DPP6: variants seen among roughly 807,000 people sequenced by gnomAD.
DPP6 encodes the protein dipeptidyl peptidase like 6, also known as A-type potassium channel modulatory protein DPP6.
Under a neutral mutation model 122.6 loss-of-function variants are expected in DPP6, and 69 were observed. The ratio of observed to expected loss-of-function variants is 0.56; its 90% confidence interval spans 0.46 to 0.69. The LOEUF (loss-of-function observed/expected upper bound fraction) is 0.69. Ranked by LOEUF, DPP6 falls within the 30% of genes least tolerant of loss-of-function variation. DPP6 has a pLI of 0.00. For missense variants in DPP6, 928 were observed against 1,116.9 expected, an observed-to-expected ratio of 0.83 and a Z score of 2.41; for synonymous variants, 418 against 433.1, an observed-to-expected ratio of 0.97 and a Z score of 0.43.
intron 1 of DPP6, among the ~76,000 whole-genome samples, chr7:153,976,886 C>T (rs1379491776): frequency 6.6e-6 from 1 of 152,202 alleles, no homozygotes; most frequent in Non-Finnish European, 1.5e-5. Flanking sequence ...TCCCTCACAC[C>T]TCATGCTCCA....
rs1801566790 is a variant in DPP6, at chr7:154,241,137, G to T, written c.243+188074G>T. Reference sequence around the variant, plus strand: ...ACATACTGCTTTGCACCAATGATTGGGCACAAATATAAACATATTGCTGCA... The same window carrying T: ...ACATACTGCTTTGCACCAATGATTGTGCACAAATATAAACATATTGCTGCA... On this transcript the variant is annotated intron_variant, in intron 1 of 25. Transcript: ENST00000377770. This position sits in a 1 kb window ranked among gnomAD's most constrained non-coding sequence, Gnocchi z 9.0. Among the ~76,000 whole-genome samples, 2 of 149,502 alleles carry T rather than the reference G, an allele frequency of 1.3e-5. No individual in the cohort carries two copies. Among genetic ancestry groups the T allele is most frequent in the South Asian group, 4.2e-4 (2 of 4,716 alleles).
chr7:153,812,049 A>G, the DPP6 span, among the ~76,000 whole-genome samples: 1 of 151,956 alleles, frequency 6.6e-6, no homozygotes, highest in Non-Finnish European at 1.5e-5. Flanking sequence ...ACACACCTTG[A>G]CTTCATCTCT....
At chr7:154,312,325 C>T (rs1031070315) in intron 1 of DPP6, among the ~76,000 whole-genome samples, 5 of 152,192 alleles carry the variant, frequency 3.3e-5, no homozygotes, top group African/African-American at 2.4e-5. Flanking sequence ...CTGTGGGTCC[C>T]CTTTGATCCT....
intron 8 of DPP6, among the ~76,000 whole-genome samples, chr7:154,746,393 G>T (rs984700780): frequency 1.3e-5 from 2 of 152,084 alleles, no homozygotes; most frequent in African/African-American, 2.4e-5. Flanking sequence ...GGCCTTCCTT[G>T]GTCTATTTGA....
chr7:154,215,820 C>G (rs777705847), intron 1 of DPP6, among the ~76,000 whole-genome samples: 1 of 152,094 alleles, frequency 6.6e-6, no homozygotes, highest in Non-Finnish European at 1.5e-5. Context: ...TCGCCAGGTT[C>G]TTTGATTTAT....
At chr7:154,672,954 T>A (rs1838660074) in intron 7 of DPP6, among the ~76,000 whole-genome samples, 1 of 152,154 alleles carries the variant, frequency 6.6e-6, no homozygotes, top group Non-Finnish European at 1.5e-5. Flanking sequence ...ACAGGTGGCT[T>A]GGCCTATGGG....
chr7:153,786,500 G>A, the DPP6 span, among the ~76,000 whole-genome samples: 73 of 151,762 alleles, frequency 4.8e-4, no homozygotes, highest in East Asian at 9.1e-3. Flanking sequence ...AGCACTTTGG[G>A]AGGCCGAGGC....
intron 6 of DPP6, among the ~76,000 whole-genome samples, chr7:154,647,711 C>G (rs1164116718): frequency 6.6e-6 from 1 of 152,174 alleles, no homozygotes. Flanking sequence ...GTCACTGCAT[C>G]TAAGATGGAA....
At chr7:154,280,747 A>G (rs1370839734) in intron 1 of DPP6, among the ~76,000 whole-genome samples, 6 of 152,160 alleles carry the variant, frequency 3.9e-5, no homozygotes, top group African/African-American at 1.2e-4. Flanking sequence ...ATTTTCTTCT[A>G]CCAATAACGC....
At chr7:154,088,423 G>A (rs1370645395) in intron 1 of DPP6, among the ~76,000 whole-genome samples, 1 of 147,486 alleles carries the variant, frequency 6.8e-6, no homozygotes, top group Admixed American at 6.7e-5. Flanking sequence ...AAGGGTTATT[G>A]GCTTCCAAAC....
At chr7:153,902,831 C>A (rs914008319) in intron 1 of DPP6, among the ~76,000 whole-genome samples, 2 of 150,256 alleles carry the variant, frequency 1.3e-5, no homozygotes, top group Non-Finnish European at 3.0e-5. Flanking sequence ...AGTGAAACCC[C>A]GTCAAAAAAA....
chr7:154,080,814 C>G (rs1425085908), intron 1 of DPP6, among the ~76,000 whole-genome samples: 2 of 152,102 alleles, frequency 1.3e-5, no homozygotes, highest in Admixed American at 6.5e-5. Context: ...GCTGGTAGGT[C>G]GAAGCCAGTT....
intron 5 of DPP6, among the ~76,000 whole-genome samples, chr7:154,584,891 G>T (rs890605735): frequency 6.6e-6 from 1 of 152,184 alleles, no homozygotes; most frequent in Non-Finnish European, 1.5e-5. Flanking sequence ...ATTTAAAAGC[G>T]TATCTTTATA....
intron 5 of DPP6, among the ~76,000 whole-genome samples, chr7:154,590,266 G>A (rs1457502855): frequency 1.3e-5 from 2 of 152,002 alleles, no homozygotes; most frequent in Non-Finnish European, 2.9e-5. Flanking sequence ...AAGCACCTTG[G>A]GGTAGAGATG....
chr7:154,307,475 A>T (rs1365789727), intron 1 of DPP6, among the ~76,000 whole-genome samples: 1 of 152,102 alleles, frequency 6.6e-6, no homozygotes, highest in Non-Finnish European at 1.5e-5. Context: ...ACCCTAAAAA[A>T]TGAACAGCCC....
chr7:154,708,680 A>G (rs1840972983), intron 7 of DPP6, among the ~76,000 whole-genome samples: 1 of 152,344 alleles, frequency 6.6e-6, no homozygotes, highest in African/African-American at 2.4e-5. Context: ...AAAAGACTGT[A>G]TGTCAAATAA....
In DPP6 at chr7:154,869,679, G is replaced by A. The variant is rs377342583; in HGVS notation, c.1813+1586G>A. 1.2e-4 allele frequency among the ~76,000 whole-genome samples: 19 copies of A among 152,296 alleles called. No homozygotes were observed. The South Asian group carries it at 1.9e-3, about 15-fold the overall frequency. ...ACCCTCACTCGCCTGTGCTCACCAC[G>A]CCCTCCCTGCAGCCCACCACAGGTC... On this transcript the variant is annotated intron_variant, in intron 18 of 25. Transcript: ENST00000377770.
chr7:154,213,786 C>T (rs1015632206), intron 1 of DPP6, among the ~76,000 whole-genome samples: 14 of 152,160 alleles, frequency 9.2e-5, no homozygotes, highest in Non-Finnish European at 1.9e-4. Context: ...CTGTGCCCGT[C>T]ATGCGGTCCC....
chr7:153,902,300 G>A (rs917950605), intron 1 of DPP6, among the ~76,000 whole-genome samples: 1 of 152,162 alleles, frequency 6.6e-6, no homozygotes, highest in Non-Finnish European at 1.5e-5. Context: ...CTGCTTACTG[G>A]CTTTATTTAG....
Sources: allele counts gnomAD v4.1 joint callset (sites outside exome capture counted in the v4.1 genomes callset), GRCh38; gene constraint gnomAD v4.1.1; non-coding constraint Gnocchi (gnomAD v3.1); transcripts MANE v1.5; gene names NCBI Gene and HGNC (gene_info 2026-07-23, HGNC 2026-07-21).